Variants in INPP5A observed in about 807,000 individuals in gnomAD.
INPP5A encodes the protein 43 kDa inositol polyphosphate 5-phophatase.
INPP5A carries 14 observed loss-of-function variants against 65.2 expected under a neutral mutation model. That is an observed-to-expected ratio of 0.21 (90% CI 0.14 to 0.34). The LOEUF (loss-of-function observed/expected upper bound fraction) is 0.34, where lower values mean the gene tolerates loss of function less well. Among genes scored for constraint, INPP5A ranks in the 10% least tolerant of loss-of-function variants. INPP5A has a pLI of 1.00. For missense variants in INPP5A, 431 were observed against 545.6 expected, an observed-to-expected ratio of 0.79 and a Z score of 2.09; for synonymous variants, 207 against 208.3, an observed-to-expected ratio of 0.99 and a Z score of 0.05.
At position 132,549,097 on chromosome 10, in the gene INPP5A, C is replaced by A. The variant is rs1163698042; in HGVS notation, c.75+10926C>A. ...TGTGAGCCACTGCGCCTGGGCTTGT[C>A]TTCCCTGTTTCATGGCTGAGCAGTG... On this transcript the variant is annotated intron_variant, in intron 1 of 15. Transcript: ENST00000368594. The surrounding 1 kb of genome is among the most constrained non-coding windows in gnomAD (Gnocchi z 4.9). Among the ~76,000 whole-genome samples, 1 of 152,156 alleles carries A rather than the reference C, an allele frequency of 6.6e-6. No individual in the cohort carries two copies. The highest frequency in any genetic ancestry group is 2.4e-5 in the African/African-American group (1 of 41,428).
chr10:132,738,283 A>G (rs1211844264), intron 9 of INPP5A, among the ~76,000 whole-genome samples: 3 of 152,236 alleles, frequency 2.0e-5, no homozygotes, highest in Admixed American at 6.5e-5. Context: ...GACACTGTGT[A>G]GCCTCATTCG....
Position 132,749,152 on chromosome 10 carries a change from G to A in INPP5A, c.733-365G>A, listed in dbSNP as rs2134635568. ...TTCAGGGACGGGAGAGAGCGAGCGG[G>A]AGGAGGCCGGCCATGTGCCCCCGCA... On this transcript the variant is annotated intron_variant, in intron 9 of 15. Transcript: ENST00000368594. Among the ~76,000 whole-genome samples, 6 of 152,384 alleles carry A rather than the reference G, an allele frequency of 3.9e-5. 2 individuals are homozygous for A. The South Asian group carries it at 1.2e-3, about 32-fold the overall frequency.
Position 132,616,254 on chromosome 10 carries a change from G to A in INPP5A, c.117+8298G>A, listed in dbSNP as rs1260024453. Among the ~76,000 whole-genome samples, 1 of 152,234 alleles carries A rather than the reference G, an allele frequency of 6.6e-6. No individual in the cohort carries two copies. Among genetic ancestry groups the A allele is most frequent in the Non-Finnish European group, 1.5e-5 (1 of 68,040 alleles). On this transcript the variant is annotated intron_variant, in intron 2 of 15. Coordinates refer to ENST00000368594, the MANE Select transcript of INPP5A (RefSeq NM_005539.5). The surrounding 1 kb of genome is among the most constrained non-coding windows in gnomAD (Gnocchi z 4.9). ...GGCAGCTGCAGTGGGAGGTGCCTGT[G>A]CTTTGTTGGTTGTGAACAAGCATCC...
chr10:132,656,671 C>G (rs1253092545), intron 4 of INPP5A, among the ~76,000 whole-genome samples: 1 of 152,232 alleles, frequency 6.6e-6, no homozygotes, highest in Non-Finnish European at 1.5e-5. Flanking sequence ...GTGCAGCCAG[C>G]CAGCTGGGCC....
At position 132,705,858 on chromosome 10, in the gene INPP5A, A is replaced by C. The variant is rs570366022; in HGVS notation, c.475-2455A>C. Among the ~76,000 whole-genome samples the C allele has an allele frequency of 1.2e-4, 18 of 152,060 alleles. No individual in the cohort carries two copies. The highest frequency in any genetic ancestry group is 2.6e-4 in the Admixed American group (4 of 15,278). ...CACAGGTGAGGAGGGGGCGCCTCTCACTCCCCAGGAGACTGCAAACCAAGA... is the reference window on the plus strand; with the variant it reads ...CACAGGTGAGGAGGGGGCGCCTCTCCCTCCCCAGGAGACTGCAAACCAAGA... On this transcript the variant is annotated intron_variant, in intron 6 of 15. Transcript: ENST00000368594. The surrounding 1 kb of genome is among the most constrained non-coding windows in gnomAD (Gnocchi z 4.9).
chr10:132,715,014 G>A (rs971550871), intron 8 of INPP5A, among the ~76,000 whole-genome samples: 33 of 152,206 alleles, frequency 2.2e-4, no homozygotes, highest in African/African-American at 5.5e-4. Context: ...GGGTGAGGCC[G>A]GGCCGTGCAC....
chr10:132,578,022 A>G (rs1274722219), intron 1 of INPP5A, among the ~76,000 whole-genome samples: 2 of 152,212 alleles, frequency 1.3e-5, no homozygotes, highest in Non-Finnish European at 2.9e-5. Flanking sequence ...AATGTCAGCA[A>G]TTTGGCCTCA....
intron 11 of INPP5A, among the ~76,000 whole-genome samples, chr10:132,756,642 A>G (rs544739223): frequency 6.6e-6 from 1 of 152,216 alleles, no homozygotes; most frequent in African/African-American, 2.4e-5. Context: ...CGTACTTCAG[A>G]GCAACAACAA....
At chr10:132,591,370 G>A (rs1203059566) in intron 1 of INPP5A, among the ~76,000 whole-genome samples, 1 of 152,150 alleles carries the variant, frequency 6.6e-6, no homozygotes, top group African/African-American at 2.4e-5. Flanking sequence ...GGGGCGGGCC[G>A]CTGGCAGGCT....
intron 4 of INPP5A, among the ~76,000 whole-genome samples, chr10:132,661,239 G>T (rs1411447459): frequency 6.6e-6 from 1 of 152,180 alleles, no homozygotes; most frequent in Non-Finnish European, 1.5e-5. Flanking sequence ...TACATTGAAA[G>T]TGATGAGGAC....
intron 1 of INPP5A, among the ~76,000 whole-genome samples, chr10:132,569,400 T>C (rs968454182): frequency 6.6e-6 from 1 of 152,194 alleles, no homozygotes; most frequent in Non-Finnish European, 1.5e-5. Context: ...TTGCATAGGC[T>C]GGAGTGCAGT....
At chr10:132,673,967 C>T (rs1407392295) in intron 4 of INPP5A, among the ~76,000 whole-genome samples, 2 of 152,210 alleles carry the variant, frequency 1.3e-5, no homozygotes, top group East Asian at 3.9e-4. Context: ...GTTGCCGAGC[C>T]CATGGGTACC....
chr10:132,719,510 G>T, intron 8 of INPP5A, among the ~76,000 whole-genome samples: 1 of 147,112 alleles, frequency 6.8e-6, no homozygotes, highest in Admixed American at 6.7e-5. Context: ...GTTCTGTCTG[G>T]GCGCCTTAGA....
intron 12 of INPP5A, among the ~76,000 whole-genome samples, chr10:132,769,461 C>A (rs1364884662): frequency 6.6e-6 from 1 of 152,186 alleles, no homozygotes; most frequent in Non-Finnish European, 1.5e-5. Context: ...TGCCTTCAGG[C>A]CAGGACAGCA....
chr10:132,565,968 G>A (rs1019028907), intron 1 of INPP5A, among the ~76,000 whole-genome samples: 5 of 151,962 alleles, frequency 3.3e-5, no homozygotes. Flanking sequence ...GCTCAATTTC[G>A]TAGCCTGGAG....
Position 132,537,852 on chromosome 10 carries a change from C to T in INPP5A, c.-245C>T, listed in dbSNP as rs1355081477. On this transcript the variant is annotated 5_prime_UTR_variant, in exon 1 of 16. Transcript: ENST00000368594. ...TCCCAGCGGATCTAATGGCTGCGCGCGGGCCGCTGTGAGGCGCGGCGGCGA... is the reference window on the plus strand; with the variant it reads ...TCCCAGCGGATCTAATGGCTGCGCGTGGGCCGCTGTGAGGCGCGGCGGCGA... The T allele has an allele frequency of 4.2e-5, 14 of 335,454 alleles. No individual in the cohort carries two copies. Among genetic ancestry groups the T allele is most frequent in the Non-Finnish European group, 6.4e-5 (12 of 186,274 alleles). 20.8% of individuals were successfully genotyped at this position (335,454 alleles called of 1,614,324 possible).
chr10:132,597,481 A>G (rs2071718214), intron 1 of INPP5A, among the ~76,000 whole-genome samples: 1 of 152,244 alleles, frequency 6.6e-6, no homozygotes, highest in Admixed American at 6.5e-5. Flanking sequence ...TGAGTCACAT[A>G]TTAGGATATT....
intron 4 of INPP5A, among the ~76,000 whole-genome samples, chr10:132,660,115 T>C (rs983966284): frequency 2.0e-5 from 3 of 152,254 alleles, no homozygotes; most frequent in Non-Finnish European, 2.9e-5. Context: ...GATGTAAATA[T>C]TGATTATTGA....
chr10:132,577,724 G>T (rs1434969945), intron 1 of INPP5A, among the ~76,000 whole-genome samples: 1 of 152,262 alleles, frequency 6.6e-6, no homozygotes, highest in Admixed American at 6.5e-5. Flanking sequence ...CAGCCAGCAT[G>T]CCTGTCTCAG....
Sources: gnomAD v4.1 joint callset for allele counts (sites outside exome capture counted in the v4.1 genomes callset) on GRCh38, gnomAD v4.1.1 for gene constraint, Gnocchi (gnomAD v3.1) non-coding constraint, MANE v1.5 for transcripts, NCBI Gene and HGNC (gene_info 2026-07-23, HGNC 2026-07-21) for gene names.